Variants in CTNNA3 observed in about 807,000 individuals in gnomAD.
CTNNA3 encodes the protein catenin alpha 3.
Under a neutral mutation model 95.7 loss-of-function variants are expected in CTNNA3, and 76 were observed. The observed-to-expected ratio is 0.79, with a 90% CI of 0.66 to 0.96. The LOEUF is 0.96. CTNNA3 is among the 40% of genes least tolerant of loss of function. The pLI is 0.00. For synonymous variants in CTNNA3, 431 were observed against 374.4 expected (o/e 1.15, Z -1.74); for missense variants, 1,191 against 1,089.8 (o/e 1.09, Z -1.31).
chr10:66,568,973 T>C (rs1329613258), intron 10 of CTNNA3, among the ~76,000 whole-genome samples: 1 of 151,890 alleles, frequency 6.6e-6, no homozygotes, highest in Non-Finnish European at 1.5e-5. Flanking sequence ...ATCCAGAAAG[T>C]ACTCTGACTA....
At chr10:66,142,117 G>T (rs2083649313) in intron 13 of CTNNA3, among the ~76,000 whole-genome samples, 1 of 152,090 alleles carries the variant, frequency 6.6e-6, no homozygotes, top group Non-Finnish European at 1.5e-5. Context: ...CTACCTTTTA[G>T]AAATGTTATA....
At chr10:65,997,741 G>A (rs1196670000) in intron 15 of CTNNA3, among the ~76,000 whole-genome samples, 1 of 152,136 alleles carries the variant, frequency 6.6e-6, no homozygotes, top group African/African-American at 2.4e-5. Context: ...AAACGTCCGG[G>A]AGCAGTGGCT....
chr10:66,963,497 AAT>A (rs1304692650), intron 7 of CTNNA3, among the ~76,000 whole-genome samples: 2 of 152,176 alleles, frequency 1.3e-5, no homozygotes, highest in African/African-American at 4.8e-5. Flanking sequence ...GTGAGCAAAT[AAT>A]AGTGTACTTA....
At chr10:66,215,594 A>G (rs1349493670) in intron 13 of CTNNA3, among the ~76,000 whole-genome samples, 1 of 152,204 alleles carries the variant, frequency 6.6e-6, no homozygotes, top group Non-Finnish European at 1.5e-5. Flanking sequence ...TAAATAGAAC[A>G]ATATATAGTA....
intron 7 of CTNNA3, among the ~76,000 whole-genome samples, chr10:67,090,790 G>A (rs1857586227): frequency 6.6e-6 from 1 of 152,030 alleles, no homozygotes; most frequent in Non-Finnish European, 1.5e-5. Flanking sequence ...AGGTGGCTAG[G>A]CAGAGTAACA....
At chr10:66,790,916 C>T (rs560711527) in intron 7 of CTNNA3, among the ~76,000 whole-genome samples, 4 of 152,212 alleles carry the variant, frequency 2.6e-5, no homozygotes, top group Admixed American at 2.0e-4. Flanking sequence ...TCCAATTGTA[C>T]ATCAAAACCT....
At chr10:67,063,239 A>G (rs1284984198) in intron 7 of CTNNA3, among the ~76,000 whole-genome samples, 1 of 152,098 alleles carries the variant, frequency 6.6e-6, no homozygotes, top group Non-Finnish European at 1.5e-5. Flanking sequence ...GCTTTATAAT[A>G]ACTCTGATGC....
At chr10:65,986,719 T>A (rs2078435249) in intron 16 of CTNNA3, among the ~76,000 whole-genome samples, 1 of 150,972 alleles carries the variant, frequency 6.6e-6, no homozygotes, top group Non-Finnish European at 1.5e-5. Context: ...ATCCTAAAAT[T>A]TACATAGAAC....
At chr10:66,422,826 C>T (rs536788912) in intron 11 of CTNNA3, among the ~76,000 whole-genome samples, 8 of 151,682 alleles carry the variant, frequency 5.3e-5, no homozygotes, top group South Asian at 2.1e-4. Flanking sequence ...GATGGGGTTT[C>T]GCCATGTTGG....
intron 7 of CTNNA3, among the ~76,000 whole-genome samples, chr10:66,991,896 A>T (rs2132938346): frequency 6.6e-6 from 1 of 152,280 alleles, no homozygotes; most frequent in African/African-American, 2.4e-5. Flanking sequence ...CATTCTAGAA[A>T]AGAAGGCCAT....
intron 14 of CTNNA3, among the ~76,000 whole-genome samples, chr10:66,073,883 T>C (rs538875854): frequency 2.0e-5 from 3 of 152,126 alleles, no homozygotes; most frequent in Admixed American, 2.0e-4. Context: ...TCATATAAAA[T>C]GCCTAAATCA....
At chr10:66,664,889 T>TAAA (rs56801434) in intron 9 of CTNNA3, among the ~76,000 whole-genome samples, 75 of 134,522 alleles carry the variant, frequency 5.6e-4, no homozygotes, top group African/African-American at 1.9e-3. Context: ...CTGAAAAAAT[T>TAAA]AAAAAAAAAA....
intron 5 of CTNNA3, among the ~76,000 whole-genome samples, chr10:67,254,643 A>C (rs1437719127): frequency 6.6e-6 from 1 of 152,180 alleles, no homozygotes; most frequent in Admixed American, 6.5e-5. Context: ...CACATATACA[A>C]TGGTGGTCCT....
chr10:66,600,987 A>AT (rs201428281), intron 10 of CTNNA3, among the ~76,000 whole-genome samples: 54 of 150,922 alleles, frequency 3.6e-4, no homozygotes, highest in East Asian at 1.9e-3. Context: ...ATCCTAAAGC[A>AT]TTTTTTTTTG....
At chr10:66,057,228 A>G (rs1224421957) in intron 15 of CTNNA3, among the ~76,000 whole-genome samples, 1 of 152,166 alleles carries the variant, frequency 6.6e-6, no homozygotes, top group African/African-American at 2.4e-5. Flanking sequence ...CAGTCCCTGT[A>G]TGTTCTCATT....
intron 5 of CTNNA3, among the ~76,000 whole-genome samples, chr10:67,434,961 A>G (rs184176197): frequency 5.3e-5 from 8 of 152,030 alleles, no homozygotes; most frequent in Admixed American, 4.6e-4. Flanking sequence ...ATAAAGGAGT[A>G]GATGTATATA....
At chr10:66,367,423 T>C (rs2092717706) in intron 12 of CTNNA3, among the ~76,000 whole-genome samples, 1 of 151,492 alleles carries the variant, frequency 6.6e-6, no homozygotes, top group Admixed American at 6.6e-5. Flanking sequence ...ATCATTGACA[T>C]GTTATATATA....
At chr10:67,527,276 A>G (rs867077663) in intron 4 of CTNNA3, among the ~76,000 whole-genome samples, 2 of 152,272 alleles carry the variant, frequency 1.3e-5, no homozygotes, top group South Asian at 4.1e-4. Context: ...ATAAAATAAA[A>G]TAAAATAAAA....
At chr10:67,535,807 T>C (rs1389988266) in intron 4 of CTNNA3, among the ~76,000 whole-genome samples, 1 of 120,030 alleles carries the variant, frequency 8.3e-6, no homozygotes. Context: ...GATCCTCTGC[T>C]GAAGGAAACG....
Sources: allele counts gnomAD v4.1 joint callset (sites outside exome capture counted in the v4.1 genomes callset), GRCh38; gene constraint gnomAD v4.1.1; transcripts MANE v1.5; gene names NCBI Gene and HGNC (gene_info 2026-07-23, HGNC 2026-07-21).